AGBL4: variants seen among roughly 807,000 people sequenced by gnomAD.
AGBL4 encodes AGBL carboxypeptidase 4, also known as cytosolic carboxypeptidase 6.
A neutral mutation model predicts 66.4 loss-of-function variants in AGBL4; 58 were observed. The ratio of observed to expected loss-of-function variants is 0.87; its 90% confidence interval spans 0.71 to 1.09. The LOEUF (loss-of-function observed/expected upper bound fraction) is 1.09, where lower values mean the gene tolerates loss of function less well. Among genes scored for constraint, AGBL4 ranks in the 50% least tolerant of loss-of-function variants. The probability of loss-of-function intolerance (pLI) is 0.00; values close to 1 mark genes in which losing one functional copy is unlikely to be tolerated. For missense variants in AGBL4, 579 were observed against 631.0 expected (o/e 0.92, Z 0.88); for synonymous variants, 234 against 222.9 (o/e 1.05, Z -0.44).
At chr1:49,936,170 T>G (rs1321413459) in intron 1 of AGBL4, among the ~76,000 whole-genome samples, 1 of 152,062 alleles carries the variant, frequency 6.6e-6, no homozygotes, top group Non-Finnish European at 1.5e-5. Context: ...AAGCCGAGGC[T>G]CGAGAACTAC....
At chr1:48,535,374 A>C (rs1362794765) in intron 12 of AGBL4, among the ~76,000 whole-genome samples, 2 of 152,028 alleles carry the variant, frequency 1.3e-5, no homozygotes, top group East Asian at 3.9e-4. Context: ...CCTTTGTAGC[A>C]CTTTGTACAT....
chr1:49,702,486 T>A (rs958687636), intron 2 of AGBL4, among the ~76,000 whole-genome samples: 11 of 151,666 alleles, frequency 7.3e-5, no homozygotes, highest in African/African-American at 2.2e-4. Flanking sequence ...CGAGGCTCCG[T>A]CCCAAAAAAA....
intron 3 of AGBL4, among the ~76,000 whole-genome samples, chr1:49,403,237 C>T (rs1241492072): frequency 6.6e-6 from 1 of 151,964 alleles, no homozygotes; most frequent in South Asian, 2.1e-4. Context: ...ATATAATGAC[C>T]TTCTTTGTTG....
Position 48,755,594 on chromosome 1 carries a change from G to C in AGBL4, c.635-92353C>G, listed in dbSNP as rs372946825. Among the ~76,000 whole-genome samples the C allele has an allele frequency of 9.2e-5, 14 of 152,316 alleles. No individual in the cohort carries two copies. In the East Asian group the frequency reaches 1.5e-3, roughly 17 times the overall value. On this transcript the variant is annotated intron_variant, in intron 6 of 13. Coordinates refer to ENST00000371839, the MANE Select transcript of AGBL4 (RefSeq NM_032785.4). The stretch of plus-strand genomic sequence containing the variant: ...TGTTTCTCAGAGGGCAACTGAAGCC[G>C]AGAGTCAAACAAGGGTCTCTCATTC...
At chr1:49,543,791 G>T (rs1652255579) in intron 3 of AGBL4, among the ~76,000 whole-genome samples, 1 of 152,160 alleles carries the variant, frequency 6.6e-6, no homozygotes, top group Admixed American at 6.5e-5. Context: ...GTGTAGCCCA[G>T]AGTCCCTGGG....
chr1:49,757,777 C>T (rs1055494154), intron 2 of AGBL4, among the ~76,000 whole-genome samples: 1 of 152,022 alleles, frequency 6.6e-6, no homozygotes, highest in African/African-American at 2.4e-5. Flanking sequence ...GCAAAGTATT[C>T]AAGAGGAAGA....
At chr1:48,688,681 G>A (rs1174867009) in intron 6 of AGBL4, among the ~76,000 whole-genome samples, 3 of 152,150 alleles carry the variant, frequency 2.0e-5, no homozygotes, top group Non-Finnish European at 2.9e-5. Flanking sequence ...GACACAAAGA[G>A]CATTCCTGAG....
chr1:49,029,783 A>G (rs1664055630), intron 5 of AGBL4, among the ~76,000 whole-genome samples: 1 of 152,202 alleles, frequency 6.6e-6, no homozygotes, highest in Non-Finnish European at 1.5e-5. Context: ...AACTTACTAC[A>G]AAGGTACAGT....
chr1:49,001,645 A>G (rs1049456608), intron 5 of AGBL4, among the ~76,000 whole-genome samples: 2 of 152,102 alleles, frequency 1.3e-5, no homozygotes, highest in African/African-American at 4.8e-5. Context: ...TAACATCTCA[A>G]TTCTCACTGC....
intron 1 of AGBL4, among the ~76,000 whole-genome samples, chr1:49,851,981 T>C (rs1646316355): frequency 6.6e-6 from 1 of 152,172 alleles, no homozygotes; most frequent in African/African-American, 2.4e-5. Flanking sequence ...AATAGCATTA[T>C]GACTTCCAGA....
intron 1 of AGBL4, among the ~76,000 whole-genome samples, chr1:49,874,643 A>G (rs1008438502): frequency 5.3e-5 from 8 of 152,232 alleles, no homozygotes; most frequent in African/African-American, 1.9e-4. Context: ...AATGCTCTTA[A>G]TCATCTTAGT....
intron 8 of AGBL4, among the ~76,000 whole-genome samples, chr1:48,645,220 T>C (rs1645816601): frequency 6.6e-6 from 1 of 152,170 alleles, no homozygotes; most frequent in South Asian, 2.1e-4. Context: ...TCACTCAGGT[T>C]ACATAAAGCA....
intron 8 of AGBL4, among the ~76,000 whole-genome samples, chr1:48,649,023 A>T (rs1343582749): frequency 1.3e-5 from 2 of 152,220 alleles, no homozygotes; most frequent in East Asian, 1.9e-4. Context: ...CATTCTGGAA[A>T]CATGTATGTG....
intron 3 of AGBL4, among the ~76,000 whole-genome samples, chr1:49,534,171 C>CAAAAAAAAAAAAAAAAAAAA (rs71059553): frequency 3.0e-5 from 2 of 67,046 alleles, no homozygotes; most frequent in Non-Finnish European, 5.2e-5. Context: ...CACCATTTTA[C>CAAAAAAAAAAAAAAAAAAAA]AAAAAAAAAA....
At chr1:49,622,901 C>T (rs1314067878) in intron 3 of AGBL4, among the ~76,000 whole-genome samples, 1 of 152,040 alleles carries the variant, frequency 6.6e-6, no homozygotes, top group East Asian at 1.9e-4. Flanking sequence ...TTTTTATGCT[C>T]CTGATCCAGT....
rs374863978 is a variant in AGBL4 at position 49,492,576 on chromosome 1, A to AT, written c.282+204736dup. The stretch of plus-strand genomic sequence containing the variant: ...GCATCTGTGTTCCTTTTTACCACAT[A>AT]TAGGTTTGGTCACTGTATTAATAGG... On this transcript the variant is annotated intron_variant, in intron 3 of 13. Transcript: ENST00000371839. Among the ~76,000 whole-genome samples, 210 of 152,098 alleles carry AT rather than the reference A, an allele frequency of 1.4e-3. 1 individual carries two copies. The highest frequency in any genetic ancestry group is 4.7e-3 in the African/African-American group (197 of 41,540).
At chr1:49,262,574 A>C (rs986799682) in intron 3 of AGBL4, among the ~76,000 whole-genome samples, 10 of 152,330 alleles carry the variant, frequency 6.6e-5, no homozygotes, top group African/African-American at 2.4e-4. Flanking sequence ...ATCACTGGCC[A>C]TCAGAGAAAT....
At chr1:49,870,888 T>G (rs1014335792) in intron 1 of AGBL4, among the ~76,000 whole-genome samples, 1 of 152,132 alleles carries the variant, frequency 6.6e-6, no homozygotes, top group Non-Finnish European at 1.5e-5. Context: ...GGAACCTTTG[T>G]GCATTATTGA....
chr1:49,784,066 C>G (rs1023565618), intron 2 of AGBL4, among the ~76,000 whole-genome samples: 1 of 152,176 alleles, frequency 6.6e-6, no homozygotes, highest in South Asian at 2.1e-4. Context: ...TGGCAGTACT[C>G]CTGAGATTGA....
Sources: allele counts gnomAD v4.1 joint callset (sites outside exome capture counted in the v4.1 genomes callset), GRCh38; gene constraint gnomAD v4.1.1; transcripts MANE v1.5; gene names NCBI Gene and HGNC (gene_info 2026-07-23, HGNC 2026-07-21).